RARB: variants seen among roughly 807,000 people sequenced by gnomAD.
The protein encoded by RARB is HBV-activated protein.
RARB carries 17 observed loss-of-function variants against 51.9 expected under a neutral mutation model. The observed-to-expected ratio is 0.33, with a 90% CI of 0.22 to 0.49. The LOEUF is 0.49. Ranked by LOEUF, RARB falls within the 20% of genes least tolerant of loss-of-function variation. The pLI, the probability that RARB is intolerant of heterozygous loss-of-function variation, is 0.99. For synonymous variants in RARB, 215 were observed against 195.4 expected (o/e 1.10, Z -0.84); for missense variants, 369 against 550.8 (o/e 0.67, Z 3.30).
intron 5 of RARB, among the ~76,000 whole-genome samples, chr3:25,389,151 G>T (rs988808109): frequency 6.6e-6 from 1 of 152,130 alleles, no homozygotes; most frequent in African/African-American, 2.4e-5. Flanking sequence ...TTCTGGGGAG[G>T]TGGCAGAAAC....
chr3:25,292,309 A>G (rs1384816792), intron 5 of RARB, among the ~76,000 whole-genome samples: 5 of 152,172 alleles, frequency 3.3e-5, no homozygotes, highest in East Asian at 3.9e-4. Flanking sequence ...TGTCCAAGAA[A>G]TGTCCCACAT....
At chr3:25,157,047 A>C (rs1050177397) in intron 4 of RARB, among the ~76,000 whole-genome samples, 1 of 152,244 alleles carries the variant, frequency 6.6e-6, no homozygotes, top group South Asian at 2.1e-4. Flanking sequence ...ATTGATTTTT[A>C]AGTCAAGAAA....
intron 4 of RARB, among the ~76,000 whole-genome samples, chr3:25,161,903 G>A (rs1700479001): frequency 6.6e-6 from 1 of 152,110 alleles, no homozygotes; most frequent in Non-Finnish European, 1.5e-5. Context: ...AGCCTTCCAG[G>A]GAAAGAGGCT....
intron 2 of RARB, 124 bp from the exon 3 acceptor site, chr3:25,501,058 A>C: frequency 8.5e-7 from 1 of 1,176,630 alleles, no homozygotes; most frequent in Middle Eastern, 2.5e-4. Flanking sequence ...ATGTAAGTTA[A>C]CTTTTCTGCT....
At chr3:25,075,984 A>T (rs1698863536) in intron 3 of RARB, among the ~76,000 whole-genome samples, 1 of 152,210 alleles carries the variant, frequency 6.6e-6, no homozygotes, top group Non-Finnish European at 1.5e-5. Flanking sequence ...GCCTCTGGTC[A>T]TCAAAATGAA....
At chr3:24,980,031 T>A (rs1341050568) in intron 2 of RARB, among the ~76,000 whole-genome samples, 1 of 152,204 alleles carries the variant, frequency 6.6e-6, no homozygotes, top group Non-Finnish European at 1.5e-5. Context: ...CTTATGAAGC[T>A]TAGTTTGGCT....
At chr3:25,330,442 T>C (rs1704858121) in intron 5 of RARB, among the ~76,000 whole-genome samples, 1 of 151,632 alleles carries the variant, frequency 6.6e-6, no homozygotes, top group African/African-American at 2.4e-5. Context: ...AGAAATAAAA[T>C]CCTTTACAGA....
intron 5 of RARB, among the ~76,000 whole-genome samples, chr3:25,214,296 A>G (rs961261014): frequency 3.9e-5 from 6 of 152,130 alleles, no homozygotes; most frequent in Non-Finnish European, 8.8e-5. Context: ...TGAGCGATTA[A>G]CTTGAGCAAA....
At chr3:24,982,393 G>A (rs1696697094) in intron 2 of RARB, among the ~76,000 whole-genome samples, 1 of 152,166 alleles carries the variant, frequency 6.6e-6, no homozygotes, top group Admixed American at 6.5e-5. Flanking sequence ...AAACCAGAGT[G>A]GAACCACAGC....
chr3:25,513,310 A>G (rs1697995910), intron 3 of RARB, among the ~76,000 whole-genome samples: 5 of 151,980 alleles, frequency 3.3e-5, no homozygotes, highest in Admixed American at 2.0e-4. Context: ...AGAGACAGAG[A>G]GGGAGAGAGA....
chr3:25,212,629 G>A (rs1701726059), intron 5 of RARB, among the ~76,000 whole-genome samples: 1 of 152,138 alleles, frequency 6.6e-6, no homozygotes, highest in Non-Finnish European at 1.5e-5. Flanking sequence ...AAGAAAAAAA[G>A]AAGTGAATCT....
At chr3:25,115,423 G>A (rs1374716365) in intron 3 of RARB, among the ~76,000 whole-genome samples, 1 of 152,094 alleles carries the variant, frequency 6.6e-6, no homozygotes, top group African/African-American at 2.4e-5. Flanking sequence ...AGTGTGTGGT[G>A]CATCTATATG....
chr3:24,949,400 A>T (rs1489246845), intron 2 of RARB, among the ~76,000 whole-genome samples: 1 of 152,224 alleles, frequency 6.6e-6, no homozygotes, highest in African/African-American at 2.4e-5. Flanking sequence ...CAATTCGCCT[A>T]CTAAGAAGAG....
chr3:25,427,712 T>C (rs1708035030), upstream of RARB, among the ~76,000 whole-genome samples: 1 of 152,138 alleles, frequency 6.6e-6, no homozygotes, highest in African/African-American at 2.4e-5. Flanking sequence ...AAAAAGACTG[T>C]GGAATGGAAA....
chr3:25,147,596 C>G (rs1234123725), intron 4 of RARB, among the ~76,000 whole-genome samples: 1 of 152,168 alleles, frequency 6.6e-6, no homozygotes, highest in Non-Finnish European at 1.5e-5. Flanking sequence ...GGTCTAGGAT[C>G]AGGAAGATTT....
At chr3:25,509,325 T>C (rs1034173131) in intron 3 of RARB, among the ~76,000 whole-genome samples, 1 of 152,234 alleles carries the variant, frequency 6.6e-6, no homozygotes, top group African/African-American at 2.4e-5. Context: ...TGGCACATAG[T>C]AAGTGCCGAA....
intron 5 of RARB, among the ~76,000 whole-genome samples, chr3:25,421,596 G>T (rs540623026): frequency 6.6e-6 from 1 of 151,440 alleles, no homozygotes; most frequent in African/African-American, 2.4e-5. Context: ...TGTATTTTTA[G>T]TAGAGACTGG....
intron 3 of RARB, among the ~76,000 whole-genome samples, chr3:25,102,123 TG>T (rs1250315212): frequency 2.0e-5 from 3 of 152,288 alleles, no homozygotes; most frequent in African/African-American, 7.2e-5. Context: ...CAGGCTAGTC[TG>T]GGCCAGAGCT....
At chr3:24,990,605 A>G (rs1304593836) in intron 2 of RARB, among the ~76,000 whole-genome samples, 1 of 108,190 alleles carries the variant, frequency 9.2e-6, no homozygotes, top group Non-Finnish European at 1.9e-5. Flanking sequence ...ACATAGTTTT[A>G]TTCTGCAACC....
Sources: allele counts gnomAD v4.1 joint callset (sites outside exome capture counted in the v4.1 genomes callset), GRCh38; gene constraint gnomAD v4.1.1; transcripts MANE v1.5; gene names NCBI Gene and HGNC (gene_info 2026-07-23, HGNC 2026-07-21).